The following TBCD variants were observed in gnomAD, a reference collection of about 807,000 sequenced individuals.
TBCD encodes the protein tubulin-specific chaperone D.
In TBCD, 105 loss-of-function variants were observed where a neutral mutation model predicts 169.3. The observed-to-expected ratio is 0.62, with a 90% CI of 0.53 to 0.73. TBCD has a LOEUF of 0.73. Ranked by LOEUF, TBCD falls within the 30% of genes least tolerant of loss-of-function variation. TBCD has a pLI of 0.00. For synonymous variants in TBCD, 700 were observed against 643.9 expected (o/e 1.09, Z -1.32); for missense variants, 1,444 against 1,600.1 (o/e 0.90, Z 1.66).
intron 33 of TBCD, among the ~76,000 whole-genome samples, chr17:82,931,515 C>T (rs569810244): frequency 1.8e-4 from 26 of 147,086 alleles, no homozygotes; most frequent in South Asian, 2.1e-4. Flanking sequence ...TCGCTCATTC[C>T]GCCTTGCCGT....
At position 82,900,635 on chromosome 17, in the gene TBCD, A is replaced by T. The variant is rs772585813; in HGVS notation, c.1650-16A>T. 3.1e-6 allele frequency: 5 copies of T among 1,611,494 alleles called. No homozygotes were observed. Among genetic ancestry groups the T allele is most frequent in the Non-Finnish European group, 4.2e-6 (5 of 1,177,822 alleles). ...TTCTTCCGCGTCTCACCACCTCTCC[A>T]TGCTGTCTTTTCCAGTGTGTTTATT... On this transcript the variant is annotated splice_polypyrimidine_tract_variant and intron_variant, in intron 17 of 38. Coordinates refer to ENST00000355528, the MANE Select transcript of TBCD (RefSeq NM_005993.5).
In TBCD at chr17:82,890,594, G is replaced by A. The variant is rs1283972795; in HGVS notation, c.1563+897G>A. Among the ~76,000 whole-genome samples, 2 of 152,138 alleles carry A rather than the reference G, an allele frequency of 1.3e-5. No individual in the cohort carries two copies. Among genetic ancestry groups the A allele is most frequent in the African/African-American group, 4.8e-5 (2 of 41,438 alleles). The stretch of plus-strand genomic sequence containing the variant: ...GAGAGGCGGGCGGACGAGGACTTGC[G>A]CCTGTTATTGAAATGGTTCTGGAGG... On this transcript the variant is annotated intron_variant, in intron 16 of 38. Coordinates refer to ENST00000355528, the MANE Select transcript of TBCD (RefSeq NM_005993.5). This position sits in a 1 kb window ranked among gnomAD's most constrained non-coding sequence, Gnocchi z 5.3.
chr17:82,907,737 A>G (rs1452085717), intron 20 of TBCD, 24 bp from the exon 21 acceptor site: 2 of 1,613,160 alleles, frequency 1.2e-6, no homozygotes, highest in African/African-American at 2.7e-5. Flanking sequence ...GTGTGACTTC[A>G]GCTCTGTGTT....
intron 14 of TBCD, among the ~76,000 whole-genome samples, chr17:82,873,544 G>A (rs1263096333): frequency 6.6e-6 from 1 of 152,224 alleles, no homozygotes; most frequent in Non-Finnish European, 1.5e-5. Flanking sequence ...GCTACTGGAC[G>A]GGGCTGGCAG....
chr17:82,879,316 T>C (rs2146152110), intron 14 of TBCD, among the ~76,000 whole-genome samples: 1 of 152,178 alleles, frequency 6.6e-6, no homozygotes, highest in South Asian at 2.1e-4. Context: ...AGACACCAGC[T>C]CTAGCCCAGC....
intron 6 of TBCD, among the ~76,000 whole-genome samples, chr17:82,773,455 T>A (rs116738144): frequency 0.01 from 1,524 of 152,322 alleles, 21 homozygotes; most frequent in African/African-American, 0.035. Context: ...GTCTAATTAT[T>A]AAAGTAATCT....
At chr17:82,862,476 C>G (rs1415789378) in intron 13 of TBCD, among the ~76,000 whole-genome samples, 2 of 151,832 alleles carry the variant, frequency 1.3e-5, no homozygotes, top group African/African-American at 4.8e-5. Flanking sequence ...GCCTTGGGTT[C>G]TTTCCTCCTT....
chr17:82,863,974 G>C (rs2056978200), intron 13 of TBCD, among the ~76,000 whole-genome samples: 1 of 152,224 alleles, frequency 6.6e-6, no homozygotes, highest in East Asian at 1.9e-4. Context: ...CAGCTGAGTA[G>C]ATTACCACCC....
At chr17:82,762,251 G>A (rs1219106007) in intron 2 of TBCD, among the ~76,000 whole-genome samples, 1 of 149,570 alleles carries the variant, frequency 6.7e-6, no homozygotes, top group Non-Finnish European at 1.5e-5. Flanking sequence ...GGGAGGTGGA[G>A]GTTGCAGTGA....
intron 13 of TBCD, 33 bp from the exon 14 acceptor site, chr17:82,870,191 C>T (rs1051030480): frequency 1.9e-6 from 3 of 1,611,408 alleles, no homozygotes; most frequent in Non-Finnish European, 1.7e-6. Flanking sequence ...GTGTGGTCTG[C>T]TCCTCACCGT....
intron 14 of TBCD, among the ~76,000 whole-genome samples, chr17:82,883,761 G>T (rs1368524690): frequency 6.6e-6 from 1 of 152,236 alleles, no homozygotes; most frequent in Non-Finnish European, 1.5e-5. Flanking sequence ...GCCAGTTCTC[G>T]TCCTCCAGGG....
chr17:82,881,075 C>T (rs747699459), intron 14 of TBCD, among the ~76,000 whole-genome samples: 3 of 152,190 alleles, frequency 2.0e-5, no homozygotes, highest in Non-Finnish European at 2.9e-5. Context: ...CCCTTGGGCT[C>T]CATCCTTCTG....
intron 1 of TBCD, among the ~76,000 whole-genome samples, chr17:82,754,450 C>T (rs149399245): frequency 2.9e-3 from 447 of 152,312 alleles, no homozygotes; most frequent in African/African-American, 9.2e-3. Context: ...GCAATAGTGA[C>T]ATGGTCTGCA....
At chr17:82,904,334 A>G (rs886079677) in intron 19 of TBCD, among the ~76,000 whole-genome samples, 19 of 144,468 alleles carry the variant, frequency 1.3e-4, no homozygotes, top group African/African-American at 5.0e-4. Flanking sequence ...GCCACACGAC[A>G]CTCCTTGGTC....
In TBCD at chr17:82,930,778, G is replaced by A; in HGVS notation, c.3113+135G>A. On this transcript the variant is annotated intron_variant, in intron 33 of 38. Transcript: ENST00000355528. The surrounding 1 kb of genome is among the most constrained non-coding windows in gnomAD (Gnocchi z 5.2). ...AAGCGAGACACACGCTGTACCAGTTGGTGGCTCAGCGAGGAAGATGTGCCT... is the reference window on the plus strand; with the variant it reads ...AAGCGAGACACACGCTGTACCAGTTAGTGGCTCAGCGAGGAAGATGTGCCT... 7.2e-7 allele frequency: 1 copy of A among 1,396,870 alleles called. No homozygotes were observed. Among genetic ancestry groups the A allele is most frequent in the South Asian group, 1.4e-5 (1 of 73,012 alleles). The allele number at this position is 1,396,870 out of a possible 1,614,324, so 86.5% of individuals were successfully genotyped here.
chr17:82,800,769 C>G, intron 8 of TBCD, 95 bp from the exon 9 acceptor site: 1 of 1,466,460 alleles, frequency 6.8e-7, no homozygotes, highest in South Asian at 1.3e-5. Flanking sequence ...GCCTCAAGGC[C>G]CCTGTGGAGC....
chr17:82,896,626 C>T (rs12936238), intron 17 of TBCD, among the ~76,000 whole-genome samples: 39,071 of 151,806 alleles, frequency 0.26, 5,039 homozygotes, highest in Middle Eastern at 0.31. Context: ...CCACCACGCC[C>T]GGCTAATTTT....
chr17:82,828,283 C>A (rs1210724612), intron 13 of TBCD, among the ~76,000 whole-genome samples: 1 of 135,400 alleles, frequency 7.4e-6, no homozygotes, highest in Non-Finnish European at 1.6e-5. Context: ...TGCACACACA[C>A]CCCCCCACAG....
chr17:82,753,646 GT>G (rs1036054514), intron 1 of TBCD, among the ~76,000 whole-genome samples: 4 of 148,898 alleles, frequency 2.7e-5, no homozygotes, highest in Admixed American at 6.7e-5. Flanking sequence ...AGTAGAGGGG[GT>G]TTCACCATGT....
Sources: allele counts gnomAD v4.1 joint callset (sites outside exome capture counted in the v4.1 genomes callset), GRCh38; gene constraint gnomAD v4.1.1; non-coding constraint Gnocchi (gnomAD v3.1); transcripts MANE v1.5; gene names NCBI Gene and HGNC (gene_info 2026-07-23, HGNC 2026-07-21).